The following PAPPA2 variants were observed in gnomAD, a reference collection of about 807,000 sequenced individuals.
The protein encoded by PAPPA2 is pappalysin-2.
A neutral mutation model predicts 176.4 loss-of-function variants in PAPPA2; 86 were observed. The observed-to-expected ratio is 0.49, with a 90% CI of 0.41 to 0.58. The LOEUF (loss-of-function observed/expected upper bound fraction) is 0.58. Ranked by LOEUF, PAPPA2 falls within the 20% of genes least tolerant of loss-of-function variation. The probability of loss-of-function intolerance (pLI) is 0.00; values close to 1 mark genes in which losing one functional copy is unlikely to be tolerated. For synonymous variants in PAPPA2, 809 were observed against 852.2 expected (o/e 0.95, Z 0.88); for missense variants, 2,073 against 2,256.9 (o/e 0.92, Z 1.65).
intron 17 of PAPPA2, among the ~76,000 whole-genome samples, chr1:176,779,149 A>G (rs1012355351): frequency 1.1e-4 from 16 of 152,216 alleles, no homozygotes; most frequent in African/African-American, 2.9e-4. Flanking sequence ...GCTAATATCT[A>G]TTAATCAGAG....
At chr1:176,486,608 A>G (rs191178973) in intron 1 of PAPPA2, among the ~76,000 whole-genome samples, 1 of 152,348 alleles carries the variant, frequency 6.6e-6, no homozygotes, top group Non-Finnish European at 1.5e-5. Context: ...CTAGGTGGGG[A>G]GCAAACTGAG....
chr1:176,828,446 C>T (rs73050114), intron 21 of PAPPA2, among the ~76,000 whole-genome samples: 12,949 of 151,242 alleles, frequency 0.086, 604 homozygotes, highest in African/African-American at 0.11. Context: ...TCTATACGTG[C>T]GTATAAAATA....
At chr1:176,657,244 G>C (rs1411294660) in intron 3 of PAPPA2, among the ~76,000 whole-genome samples, 2 of 151,930 alleles carry the variant, frequency 1.3e-5, no homozygotes, top group Non-Finnish European at 2.9e-5. Flanking sequence ...AGTTATCCTG[G>C]AGATAGGCAT....
At chr1:176,838,343 T>C (rs924125399) in intron 21 of PAPPA2, among the ~76,000 whole-genome samples, 1 of 152,216 alleles carries the variant, frequency 6.6e-6, no homozygotes, top group Non-Finnish European at 1.5e-5. Context: ...ACCAGACTTA[T>C]ACATGTAAGA....
chr1:176,627,752 G>C (rs1244338383), intron 3 of PAPPA2, among the ~76,000 whole-genome samples: 1 of 152,164 alleles, frequency 6.6e-6, no homozygotes, highest in Non-Finnish European at 1.5e-5. Context: ...ACGATAGGAA[G>C]GCTGTTTTTG....
chr1:176,760,946 C>T (rs572951185), intron 14 of PAPPA2, among the ~76,000 whole-genome samples: 7 of 152,140 alleles, frequency 4.6e-5, no homozygotes, highest in South Asian at 4.2e-4. Context: ...CTCAGCCTCC[C>T]GGGTAGCTGG....
At chr1:176,622,484 C>T (rs982164700) in intron 3 of PAPPA2, among the ~76,000 whole-genome samples, 1 of 152,152 alleles carries the variant, frequency 6.6e-6, no homozygotes, top group African/African-American at 2.4e-5. Context: ...AGAGTGATCT[C>T]TAAAGATCTA....
chr1:176,724,630 T>C (rs1661779610), intron 12 of PAPPA2, among the ~76,000 whole-genome samples: 1 of 152,212 alleles, frequency 6.6e-6, no homozygotes, highest in African/African-American at 2.4e-5. Context: ...AAACCCTTGC[T>C]ACATAAAGCC....
At chr1:176,719,569 A>G (rs1661526906) in intron 12 of PAPPA2, among the ~76,000 whole-genome samples, 1 of 152,132 alleles carries the variant, frequency 6.6e-6, no homozygotes, top group African/African-American at 2.4e-5. Context: ...TTTTCTTGAC[A>G]TCACTTCTGG....
Position 176,504,320 on chromosome 1 carries a change from T to C in PAPPA2, c.-917+40902T>C, listed in dbSNP as rs193075167. Among the ~76,000 whole-genome samples, 4 of 152,294 alleles carry C rather than the reference T, an allele frequency of 2.6e-5. No homozygotes were observed. The East Asian group carries it at 7.7e-4, about 29-fold the overall frequency. On this transcript the variant is annotated intron_variant, in intron 1 of 22. Coordinates refer to ENST00000367662, the MANE Select transcript of PAPPA2 (RefSeq NM_020318.3). ...CAGAGAAACATTTTCCTGCATATTATTTCAGAGGCATCAATTTTCTGTGCA... is the reference window on the plus strand; with the variant it reads ...CAGAGAAACATTTTCCTGCATATTACTTCAGAGGCATCAATTTTCTGTGCA...
At chr1:176,584,938 C>T (rs182186161) in intron 2 of PAPPA2, among the ~76,000 whole-genome samples, 8 of 152,226 alleles carry the variant, frequency 5.3e-5, no homozygotes, top group Admixed American at 4.6e-4. Context: ...TGGGTTTTCA[C>T]CATCTTGGCC....
intron 3 of PAPPA2, among the ~76,000 whole-genome samples, chr1:176,598,065 G>A (rs937272451): frequency 6.6e-6 from 1 of 152,118 alleles, no homozygotes; most frequent in Non-Finnish European, 1.5e-5. Context: ...TATAAAACCT[G>A]CTTTGTGGAA....
intron 14 of PAPPA2, among the ~76,000 whole-genome samples, chr1:176,750,891 A>T (rs1264040662): frequency 1.3e-5 from 2 of 152,146 alleles, no homozygotes; most frequent in Non-Finnish European, 2.9e-5. Context: ...TTGAACTGAG[A>T]ATTTACCTTT....
chr1:176,479,414 T>G (rs1425754387), intron 1 of PAPPA2, among the ~76,000 whole-genome samples: 2 of 151,756 alleles, frequency 1.3e-5, no homozygotes, highest in African/African-American at 4.8e-5. Context: ...CTTCACAGCA[T>G]CACAGCAGTG....
intron 2 of PAPPA2, among the ~76,000 whole-genome samples, chr1:176,566,694 A>G (rs1196246468): frequency 6.6e-6 from 1 of 152,136 alleles, no homozygotes; most frequent in Non-Finnish European, 1.5e-5. Flanking sequence ...ACATCCAACT[A>G]TTCTCTTGTC....
chr1:176,678,723 T>A (rs1329322788), intron 4 of PAPPA2, among the ~76,000 whole-genome samples: 1 of 151,968 alleles, frequency 6.6e-6, no homozygotes, highest in African/African-American at 2.4e-5. Context: ...TCAATGACAC[T>A]GCTAGGAATA....
intron 20 of PAPPA2, among the ~76,000 whole-genome samples, chr1:176,797,788 T>C (rs1665513061): frequency 6.6e-6 from 1 of 152,344 alleles, no homozygotes; most frequent in African/African-American, 2.4e-5. Context: ...TCCCATAGAA[T>C]TGAGTCTTGA....
intron 5 of PAPPA2, chr1:176,690,820 A>G (rs187257027): frequency 2.8e-5 from 28 of 1,006,952 alleles, no homozygotes; most frequent in Non-Finnish European, 3.3e-5. Flanking sequence ...AAAAGAGTTT[A>G]TGGGTCAAGG....
At chr1:176,616,153 T>G in intron 3 of PAPPA2, 1 of 287,668 alleles carries the variant, frequency 3.5e-6, no homozygotes. Flanking sequence ...TGCCTGTCAG[T>G]ACTCCTATGG....
Sources: allele counts gnomAD v4.1 joint callset (sites outside exome capture counted in the v4.1 genomes callset), GRCh38; gene constraint gnomAD v4.1.1; transcripts MANE v1.5; gene names NCBI Gene and HGNC (gene_info 2026-07-23, HGNC 2026-07-21).